Variants in CACNA2D3 observed in about 807,000 individuals in gnomAD.
CACNA2D3 encodes voltage-dependent calcium channel subunit alpha-2/delta-3.
A neutral mutation model predicts 160.6 loss-of-function variants in CACNA2D3; 60 were observed. The ratio of observed to expected loss-of-function variants is 0.37; its 90% CI spans 0.30 to 0.46. The LOEUF is 0.46. Among genes scored for constraint, CACNA2D3 ranks in the 20% least tolerant of loss-of-function variants. CACNA2D3 has a pLI of 1.00. For synonymous variants in CACNA2D3, 558 were observed against 492.9 expected (o/e 1.13, Z -1.75); for missense variants, 1,205 against 1,365.0 (o/e 0.88, Z 1.85).
intron 33 of CACNA2D3, among the ~76,000 whole-genome samples, chr3:55,009,043 A>G (rs2048806): frequency 0.49 from 74,369 of 151,976 alleles, 18,853 homozygotes; most frequent in Middle Eastern, 0.55. Flanking sequence ...AGGGAAGAGA[A>G]GCTTATTAGA....
At chr3:54,957,704 G>C in intron 27 of CACNA2D3, among the ~76,000 whole-genome samples, 1 of 52,310 alleles carries the variant, frequency 1.9e-5, no homozygotes, top group Admixed American at 3.2e-4. Context: ...CCAGTCAGGA[G>C]GGTTAGAAAC....
At chr3:54,941,976 T>G (rs1701478950) in intron 27 of CACNA2D3, among the ~76,000 whole-genome samples, 1 of 152,236 alleles carries the variant, frequency 6.6e-6, no homozygotes, top group Admixed American at 6.5e-5. Context: ...CCTACTTGAT[T>G]TATTTGAAAA....
chr3:55,004,704 A>G (rs536542615), intron 31 of CACNA2D3, 59 bp from the exon 32 acceptor site: 1 of 1,133,760 alleles, frequency 8.8e-7, no homozygotes, highest in Non-Finnish European at 1.3e-6. Context: ...AGTACATAGC[A>G]TCAATTGGTT....
At chr3:54,433,156 G>A (rs549534408) in intron 4 of CACNA2D3, among the ~76,000 whole-genome samples, 51 of 152,256 alleles carry the variant, frequency 3.3e-4, no homozygotes, top group Admixed American at 9.8e-4. Context: ...AGAGGGAGGA[G>A]TGCAGCTAGC....
At chr3:54,357,176 T>C (rs1698663683) in intron 3 of CACNA2D3, among the ~76,000 whole-genome samples, 1 of 152,196 alleles carries the variant, frequency 6.6e-6, no homozygotes, top group Non-Finnish European at 1.5e-5. Flanking sequence ...CTGTTTTCCA[T>C]GGCACCATGT....
chr3:54,904,933 C>T (rs1271992759), intron 27 of CACNA2D3, among the ~76,000 whole-genome samples: 1 of 152,154 alleles, frequency 6.6e-6, no homozygotes, highest in East Asian at 1.9e-4. Context: ...ATCCCAAAAG[C>T]AACCTTGTTG....
intron 5 of CACNA2D3, among the ~76,000 whole-genome samples, chr3:54,542,295 T>C (rs1445644074): frequency 2.6e-5 from 4 of 152,062 alleles, no homozygotes; most frequent in South Asian, 2.1e-4. Context: ...CTTCTGACCT[T>C]GTGATCTGCC....
intron 2 of CACNA2D3, among the ~76,000 whole-genome samples, chr3:54,179,664 A>T (rs1700745189): frequency 6.6e-6 from 1 of 152,218 alleles, no homozygotes; most frequent in Non-Finnish European, 1.5e-5. Context: ...ATGTGGTGGT[A>T]GTTGGAGATG....
chr3:55,058,952 A>G (rs1041267101), intron 35 of CACNA2D3, among the ~76,000 whole-genome samples: 3 of 152,182 alleles, frequency 2.0e-5, no homozygotes, highest in Admixed American at 6.5e-5. Context: ...TTTTCTATGC[A>G]AAACTGGCTT....
chr3:55,020,183 A>AAT (rs1288266278), intron 35 of CACNA2D3, among the ~76,000 whole-genome samples: 1 of 151,240 alleles, frequency 6.6e-6, no homozygotes, highest in Non-Finnish European at 1.5e-5. Context: ...TAAATCATGA[A>AAT]ATATATATAT....
chr3:54,323,256 G>A (rs1468593165), intron 3 of CACNA2D3, among the ~76,000 whole-genome samples: 1 of 152,158 alleles, frequency 6.6e-6, no homozygotes, highest in African/African-American at 2.4e-5. Context: ...ATTAGGAAAA[G>A]TCGCTGTTTG....
At chr3:55,033,860 TTTAA>T (rs1703753430) in intron 35 of CACNA2D3, among the ~76,000 whole-genome samples, 2 of 111,728 alleles carry the variant, frequency 1.8e-5, no homozygotes, top group South Asian at 2.6e-4. Context: ...ATTAAATATA[TTTAA>T]TATATAATAT....
At chr3:54,707,307 T>C (rs952301648) in intron 11 of CACNA2D3, among the ~76,000 whole-genome samples, 2 of 152,358 alleles carry the variant, frequency 1.3e-5, no homozygotes, top group African/African-American at 4.8e-5. Flanking sequence ...TTGAAGTTTG[T>C]TATGTTTCCC....
chr3:55,026,931 G>A (rs964615715), intron 35 of CACNA2D3, among the ~76,000 whole-genome samples: 2 of 152,196 alleles, frequency 1.3e-5, no homozygotes, highest in South Asian at 2.1e-4. Flanking sequence ...TCCTCATTCA[G>A]ACAGCCATTT....
intron 35 of CACNA2D3, among the ~76,000 whole-genome samples, chr3:55,053,341 A>C (rs1450652362): frequency 6.6e-6 from 1 of 151,918 alleles, no homozygotes; most frequent in African/African-American, 2.4e-5. Flanking sequence ...TTTATTCCTT[A>C]CTCTGATAGG....
intron 14 of CACNA2D3, among the ~76,000 whole-genome samples, chr3:54,822,746 CTTTCTTTCTTTCT>C (rs1559595383): frequency 1.0e-3 from 65 of 64,142 alleles, no homozygotes; most frequent in African/African-American, 4.2e-3. Context: ...TTCTTTCTTT[CTTTCTTTCTTTCT>C]TTCTTTCTTT....
At chr3:54,988,659 C>T (rs937686935) in intron 31 of CACNA2D3, among the ~76,000 whole-genome samples, 1 of 152,230 alleles carries the variant, frequency 6.6e-6, no homozygotes, top group Admixed American at 6.5e-5. Flanking sequence ...GTTTATTACT[C>T]TTCTGCGGCT....
chr3:54,123,382 C>A, intron 1 of CACNA2D3, 131 bp from the exon 2 acceptor site: 10 of 676,990 alleles, frequency 1.5e-5, no homozygotes, highest in East Asian at 2.8e-5. Flanking sequence ...CTTTTTCTAT[C>A]TTTTCTTCTT....
chr3:54,149,267 GCACACACACACA>G (rs3060363), intron 2 of CACNA2D3, among the ~76,000 whole-genome samples: 2 of 144,440 alleles, frequency 1.4e-5, no homozygotes, highest in Non-Finnish European at 3.0e-5. Flanking sequence ...GGTCCCATGT[GCACACACACACA>G]CACACACACA....
Sources: gnomAD v4.1 joint callset for allele counts (sites outside exome capture counted in the v4.1 genomes callset) on GRCh38, gnomAD v4.1.1 for gene constraint, MANE v1.5 for transcripts, NCBI Gene and HGNC (gene_info 2026-07-23, HGNC 2026-07-21) for gene names.